The following COL14A1 variants were observed in gnomAD, a reference collection of about 807,000 sequenced individuals.
COL14A1 encodes the protein collagen type XIV alpha 1 chain, also known as collagen alpha-1(XIV) chain.
COL14A1 carries 136 observed loss-of-function variants against 230.3 expected under a neutral mutation model. The ratio of observed to expected loss-of-function variants is 0.59; its 90% confidence interval spans 0.51 to 0.68. The LOEUF is 0.68. COL14A1 is among the 30% of genes least tolerant of loss of function. The pLI, the probability that COL14A1 is intolerant of heterozygous loss-of-function variation, is 0.00. For missense variants in COL14A1, 1,976 were observed against 2,215.8 expected, an observed-to-expected ratio of 0.89 and a Z score of 2.17; for synonymous variants, 792 against 784.1, an observed-to-expected ratio of 1.01 and a Z score of -0.17.
chr8:120,218,331 A>T (rs1372907614), intron 14 of COL14A1, among the ~76,000 whole-genome samples: 4 of 147,822 alleles, frequency 2.7e-5, no homozygotes, highest in African/African-American at 9.9e-5. Context: ...CATATTTGAG[A>T]TGGAGTCTCA....
intron 40 of COL14A1, among the ~76,000 whole-genome samples, chr8:120,320,126 A>G (rs1469767243): frequency 2.0e-5 from 3 of 152,182 alleles, no homozygotes; most frequent in African/African-American, 7.2e-5. Context: ...GGATTACTTC[A>G]TGTTTCCAAG....
chr8:120,157,008 T>C (rs986272837), intron 2 of COL14A1, among the ~76,000 whole-genome samples: 7 of 152,220 alleles, frequency 4.6e-5, no homozygotes, highest in African/African-American at 1.7e-4. Context: ...AAGTATTAAC[T>C]TTTCTTTTCT....
At chr8:120,207,635 T>C (rs1817479681) in intron 10 of COL14A1, among the ~76,000 whole-genome samples, 1 of 152,196 alleles carries the variant, frequency 6.6e-6, no homozygotes, top group Admixed American at 6.5e-5. Flanking sequence ...TGCCAGATGA[T>C]TAGATCCTTC....
In COL14A1 at chr8:120,225,173, A is replaced by T; in HGVS notation, c.1823A>T (p.Asp608Val). 4.3e-6 allele frequency: 7 copies of T among 1,613,240 alleles called. No homozygotes were observed. The highest frequency in any genetic ancestry group is 5.9e-6 in the Non-Finnish European group (7 of 1,179,772). The change falls in exon 15 of 48, where the codon GAT becomes GTT. Residue 608 changes from aspartate to valine, a missense_variant. Physicochemically the swap from Asp to Val is radical, Grantham distance 152. Coordinates refer to ENST00000297848, the MANE Select transcript of COL14A1 (RefSeq NM_021110.4). ...EYTIAIFSIY[D>V]EGQSEPLTGV... ...ACTATTGCTATTTTCTCCATCTATG[A>T]TGAAGGACAGTCAGAGCCTCTGACT...
At chr8:120,137,390 T>C (rs188748793) in intron 1 of COL14A1, among the ~76,000 whole-genome samples, 3 of 152,304 alleles carry the variant, frequency 2.0e-5, no homozygotes, top group Admixed American at 1.3e-4. Flanking sequence ...TTTTAAATTT[T>C]ATTAATATTT....
intron 42 of COL14A1, among the ~76,000 whole-genome samples, chr8:120,335,011 A>T (rs967996613): frequency 6.6e-6 from 1 of 152,216 alleles, no homozygotes; most frequent in African/African-American, 2.4e-5. Context: ...TCTTACTAGC[A>T]TCTCCTAGAA....
intron 10 of COL14A1, among the ~76,000 whole-genome samples, chr8:120,207,964 G>A (rs1817495639): frequency 6.6e-6 from 1 of 152,022 alleles, no homozygotes; most frequent in Non-Finnish European, 1.5e-5. Context: ...TTAAGTGGAT[G>A]TAAATAGGAT....
At chr8:120,225,280 T>C (rs1192609243) in intron 15 of COL14A1, 66 bp downstream of exon 15, 8 of 1,339,614 alleles carry the variant, frequency 6.0e-6, no homozygotes, top group Non-Finnish European at 8.3e-6. Flanking sequence ...AACCAGAACC[T>C]GGAGCACCTT....
intron 1 of COL14A1, among the ~76,000 whole-genome samples, chr8:120,132,920 C>G (rs1196645674): frequency 6.6e-6 from 1 of 151,966 alleles, no homozygotes; most frequent in African/African-American, 2.4e-5. Context: ...AAATACCGTG[C>G]TATTATAACT....
intron 26 of COL14A1, among the ~76,000 whole-genome samples, chr8:120,271,051 GA>G (rs1346256921): frequency 6.6e-6 from 1 of 151,706 alleles, no homozygotes; most frequent in Non-Finnish European, 1.5e-5. Flanking sequence ...CAATAAAAAA[GA>G]ATGAGCTCAT....
At chr8:120,316,127 T>A in intron 40 of COL14A1, 130 bp downstream of exon 40, 1 of 767,218 alleles carries the variant, frequency 1.3e-6, no homozygotes, top group East Asian at 2.7e-5. Context: ...TGTTTATGTA[T>A]TTTCCACCTA....
intron 35 of COL14A1, among the ~76,000 whole-genome samples, chr8:120,298,395 A>G (rs966574945): frequency 1.3e-5 from 2 of 151,566 alleles, no homozygotes; most frequent in African/African-American, 4.8e-5. Flanking sequence ...CATAATCTAC[A>G]TAACCTATAT....
chr8:120,254,513 C>T (rs1489424152), intron 22 of COL14A1, among the ~76,000 whole-genome samples: 1 of 152,030 alleles, frequency 6.6e-6, no homozygotes, highest in Non-Finnish European at 1.5e-5. Context: ...ATGGCTATCC[C>T]ATTGGTTGAT....
At chr8:120,199,641 A>G in intron 8 of COL14A1, 75 bp downstream of exon 8, 2 of 1,457,090 alleles carry the variant, frequency 1.4e-6, no homozygotes, top group Non-Finnish European at 9.3e-7. Flanking sequence ...GTAATGTGAA[A>G]TGCACTTCAC....
At chr8:120,188,698 C>T (rs1816720164) in intron 5 of COL14A1, among the ~76,000 whole-genome samples, 1 of 152,194 alleles carries the variant, frequency 6.6e-6, no homozygotes, top group Non-Finnish European at 1.5e-5. Flanking sequence ...AATTAAAACA[C>T]AGTTCAACAG....
intron 31 of COL14A1, 148 bp from the exon 32 acceptor site, chr8:120,283,488 T>C (rs1820102169): frequency 1.4e-6 from 1 of 726,974 alleles, no homozygotes; most frequent in Admixed American, 2.8e-5. Context: ...CTTTACTAAA[T>C]TAGATCAACA....
chr8:120,161,731 C>G (rs530533555), intron 3 of COL14A1, among the ~76,000 whole-genome samples: 1 of 152,028 alleles, frequency 6.6e-6, no homozygotes, highest in African/African-American at 2.4e-5. Context: ...GGCGCAATAT[C>G]GGCTCAACTG....
intron 24 of COL14A1, among the ~76,000 whole-genome samples, chr8:120,265,119 A>G (rs1819465270): frequency 1.3e-5 from 2 of 152,136 alleles, no homozygotes; most frequent in South Asian, 2.1e-4. Flanking sequence ...GACAATCTGT[A>G]TGCCACATAT....
intron 5 of COL14A1, among the ~76,000 whole-genome samples, chr8:120,195,796 C>T (rs1817016823): frequency 6.6e-6 from 1 of 152,172 alleles, no homozygotes; most frequent in African/African-American, 2.4e-5. Flanking sequence ...GCATCCCTCC[C>T]ATGACACGTG....
Sources: gnomAD v4.1 joint callset for allele counts (sites outside exome capture counted in the v4.1 genomes callset) on GRCh38, gnomAD v4.1.1 for gene constraint, MANE v1.5 for transcripts, NCBI Gene and HGNC (gene_info 2026-07-23, HGNC 2026-07-21) for gene names.